Variants in BRCA1 observed in about 807,000 individuals in gnomAD.
The protein encoded by BRCA1 is BRCA1 DNA repair associated.
A neutral mutation model predicts 173.7 loss-of-function variants in BRCA1; 140 were observed. The observed-to-expected ratio is 0.81, with a 90% CI of 0.70 to 0.93. The LOEUF (loss-of-function observed/expected upper bound fraction) is 0.93, where lower values mean the gene tolerates loss of function less well. Ranked by LOEUF, BRCA1 falls within the 40% of genes least tolerant of loss-of-function variation. The probability of loss-of-function intolerance (pLI) is 0.00; values close to 1 mark genes in which losing one functional copy is unlikely to be tolerated. For synonymous variants in BRCA1, 662 were observed against 756.0 expected (o/e 0.88, Z 2.04); for missense variants, 1,983 against 2,172.5 (o/e 0.91, Z 1.73).
At chr17:43,051,185 A>G (rs2153093039) in intron 19 of BRCA1, 68 bp from the exon 20 acceptor site, 1 of 1,417,080 alleles carries the variant, frequency 7.1e-7, no homozygotes. Context: ...ATAAAAGAAT[A>G]TTGGCTTTTA....
intron 14 of BRCA1, 84 bp from the exon 15 acceptor site, chr17:43,071,322 C>A (rs2153907815): frequency 1.3e-6 from 2 of 1,492,992 alleles, no homozygotes; most frequent in South Asian, 2.3e-5. Flanking sequence ...ATTAAAAAGA[C>A]CAATAAAGTT....
At chr17:43,063,230 G>T in intron 18 of BRCA1, 103 bp downstream of exon 18, 1 of 935,174 alleles carries the variant, frequency 1.1e-6, no homozygotes. Flanking sequence ...GAAAATTTGT[G>T]CATTGTTAAG....
chr17:43,082,696 C>G (rs755296152), intron 11 of BRCA1, 121 bp from the exon 12 acceptor site: 4 of 1,047,468 alleles, frequency 3.8e-6, no homozygotes, highest in Non-Finnish European at 4.3e-6. Flanking sequence ...TATGGAACTA[C>G]AAGTTCTAGC....
At chr17:43,141,680 C>T (rs563420102) in intron 1 of BRCA1, among the ~76,000 whole-genome samples, 91 of 151,194 alleles carry the variant, frequency 6.0e-4, no homozygotes, top group African/African-American at 2.2e-3. Flanking sequence ...GGTGTGGTGA[C>T]GGGCACCTGT....
At chr17:43,090,031 T>TA (rs1430902996) in intron 11 of BRCA1, among the ~76,000 whole-genome samples, 1 of 137,242 alleles carries the variant, frequency 7.3e-6, no homozygotes, top group African/African-American at 2.7e-5. Flanking sequence ...AAGAAAAAAA[T>TA]AACTAGATTT....
chr17:43,099,389 G>A (rs2054272466), intron 7 of BRCA1, among the ~76,000 whole-genome samples: 1 of 151,624 alleles, frequency 6.6e-6, no homozygotes, highest in African/African-American at 2.4e-5. Context: ...TCCTGCCTCA[G>A]CCTCCCGAGT....
chr17:43,108,988 C>T (rs2054918463), intron 3 of BRCA1, among the ~76,000 whole-genome samples: 1 of 152,012 alleles, frequency 6.6e-6, no homozygotes, highest in South Asian at 2.1e-4. Context: ...AGCGAAACTC[C>T]ATCTCAAAAA....
intron 6 of BRCA1, among the ~76,000 whole-genome samples, chr17:43,103,597 T>C (rs527394918): frequency 7.2e-5 from 11 of 152,234 alleles, no homozygotes; most frequent in Non-Finnish European, 1.5e-4. Context: ...GCTGGGATTA[T>C]AGGTACATTC....
At chr17:43,118,761 CT>C (rs35150209) in intron 2 of BRCA1, among the ~76,000 whole-genome samples, 286 of 136,516 alleles carry the variant, frequency 2.1e-3, no homozygotes, top group Admixed American at 2.0e-3. Flanking sequence ...GAATGTGAAC[CT>C]TTTTTTTTTT....
chr17:43,085,523 A>G (rs1597851913), intron 11 of BRCA1, among the ~76,000 whole-genome samples: 1 of 152,214 alleles, frequency 6.6e-6, no homozygotes, highest in East Asian at 1.9e-4. Flanking sequence ...ATTTCTCCCA[A>G]CACCCCTCAC....
intron 1 of BRCA1, chr17:43,144,619 C>T (rs1391448870): frequency 6.0e-6 from 1 of 166,008 alleles, no homozygotes; most frequent in East Asian, 1.8e-4. Flanking sequence ...TCCTGCTTTT[C>T]TTTCTGATGG....
intron 1 of BRCA1, chr17:43,163,739 G>A (rs1242486142): frequency 6.6e-6 from 1 of 152,188 alleles, no homozygotes; most frequent in Non-Finnish European, 1.5e-5. Context: ...GGATGAACAA[G>A]GGCTGACTGA....
rs397507234 is a variant in BRCA1, at chr17:43,074,529, G to A, written c.4485-8C>T. 113 of 1,611,770 alleles carry A rather than the reference G, an allele frequency of 7.0e-5. No individual in the cohort carries two copies. Among genetic ancestry groups the A allele is most frequent in the Non-Finnish European group, 9.3e-5 (110 of 1,178,102 alleles). On this transcript the variant is annotated splice_region_variant and splice_polypyrimidine_tract_variant and intron_variant, in intron 13 of 22. Transcript: ENST00000357654. ...CATTTAGAAGGGGATGACCTAGAAA[G>A]ATAAATGGAAGGAGAAAACCATCGC...
chr17:43,080,359 C>A lies in BRCA1; in HGVS notation c.4357+2045G>T, dbSNP rs143578208. Reference sequence around the variant, plus strand: ...TACAGGCATGTGCCACCACGCCCGGCTAATTTTTTGTAGTTTTAGTAGAGA... The same window carrying A: ...TACAGGCATGTGCCACCACGCCCGGATAATTTTTTGTAGTTTTAGTAGAGA... On this transcript the variant is annotated intron_variant, in intron 12 of 22. Coordinates refer to ENST00000357654, the MANE Select transcript of BRCA1 (RefSeq NM_007294.4). Among the ~76,000 whole-genome samples the A allele has an allele frequency of 2.4e-3, 368 of 152,306 alleles. 2 individuals carry two copies. The highest frequency in any genetic ancestry group is 8.5e-3 in the African/African-American group (353 of 41,568).
chr17:43,129,693 C>G (rs533819772), upstream of BRCA1, among the ~76,000 whole-genome samples: 2 of 152,160 alleles, frequency 1.3e-5, no homozygotes, highest in Non-Finnish European at 2.9e-5. Flanking sequence ...CCAGGATGAC[C>G]TCGATCTCCT....
rs775586179 is a variant in BRCA1, at chr17:43,138,871, C to T, written c.-19-14756G>A. 1.7e-5 allele frequency: 13 copies of T among 778,796 alleles called. No homozygotes were observed. In the South Asian group the frequency reaches 1.7e-4, roughly 10 times the overall value. 48.2% of individuals were successfully genotyped at this position (778,796 alleles called of 1,614,324 possible). On this transcript the variant is annotated intron_variant, in intron 1 of 7. Coordinates refer to the BRCA1 transcript ENST00000634433. ...GACCGTGGGGCTGCAAGGACCTCAG[C>T]AGCGGTGTCCCAAGTTTCCTGACTT...
In BRCA1 at chr17:43,118,008, T is replaced by G. The variant is rs540971735; in HGVS notation, c.81-2229A>C. ...TACGGAATTAAAGAATACATGGGAA[T>G]AAGTGCATTAAAGAGAAAAATTAAG... On this transcript the variant is annotated intron_variant, in intron 2 of 22. Coordinates refer to ENST00000357654, the MANE Select transcript of BRCA1 (RefSeq NM_007294.4). Among the ~76,000 whole-genome samples, 21 of 151,906 alleles carry G rather than the reference T, an allele frequency of 1.4e-4. No homozygotes were observed. In the East Asian group the frequency reaches 3.9e-3, roughly 28 times the overall value.
intron 13 of BRCA1, among the ~76,000 whole-genome samples, chr17:43,076,227 G>C (rs915501013): frequency 6.6e-6 from 1 of 152,004 alleles, no homozygotes; most frequent in African/African-American, 2.4e-5. Flanking sequence ...AGCTTGTTCA[G>C]GTTTTACCTC....
intron 7 of BRCA1, among the ~76,000 whole-genome samples, chr17:43,099,022 C>T (rs1340337284): frequency 6.7e-6 from 1 of 148,868 alleles, no homozygotes; most frequent in African/African-American, 2.5e-5. Flanking sequence ...GGGGTTTCTC[C>T]ATGTTGGTCA....
Sources: gnomAD v4.1 joint callset for allele counts (sites outside exome capture counted in the v4.1 genomes callset) on GRCh38, gnomAD v4.1.1 for gene constraint, MANE v1.5 for transcripts, NCBI Gene and HGNC (gene_info 2026-07-23, HGNC 2026-07-21) for gene names.